Variants in TMEM177 observed in about 807,000 individuals in gnomAD.
TMEM177 encodes transmembrane protein 177.
Under a neutral mutation model 14.2 loss-of-function variants are expected in TMEM177, and 4 were observed. The ratio of observed to expected loss-of-function variants is 0.28; its 90% CI spans 0.14 to 0.64. The LOEUF (loss-of-function observed/expected upper bound fraction) is 0.64. Ranked by LOEUF, TMEM177 falls within the 30% of genes least tolerant of loss-of-function variation. TMEM177 has a pLI of 0.82. For missense variants in TMEM177, 344 were observed against 405.2 expected (o/e 0.85, Z 1.30); for synonymous variants, 179 against 174.5 (o/e 1.03, Z -0.20).
the TMEM177 span, among the ~76,000 whole-genome samples, chr2:119,707,703 C>G: frequency 6.6e-6 from 1 of 152,124 alleles, no homozygotes; most frequent in Non-Finnish European, 1.5e-5. Context: ...AGAGATGAGA[C>G]AAACAAACAA....
chr2:119,695,687 G>A, the TMEM177 span, among the ~76,000 whole-genome samples: 3 of 152,238 alleles, frequency 2.0e-5, no homozygotes, highest in African/African-American at 7.2e-5. Flanking sequence ...GTCCAGATTT[G>A]TAAGACATAT....
chr2:119,706,769 C>T, the TMEM177 span, among the ~76,000 whole-genome samples: 2 of 152,122 alleles, frequency 1.3e-5, no homozygotes, highest in African/African-American at 4.8e-5. Flanking sequence ...TTGTCTCAGC[C>T]TTCTTCTTCT....
In TMEM177 at chr2:119,681,828, C is replaced by A. The variant is rs747384978; in HGVS notation, c.*39C>A. Reference sequence around the variant, plus strand: ...AGGACACTTCCAGCTTGTGCAGACACCACCCTGCCATTGAGTCTGGAGGGC... The same window carrying A: ...AGGACACTTCCAGCTTGTGCAGACAACACCCTGCCATTGAGTCTGGAGGGC... On this transcript the variant is annotated 3_prime_UTR_variant, in exon 2 of 2. Transcript: ENST00000272521. 1.3e-6 allele frequency: 2 copies of A among 1,573,562 alleles called. No homozygotes were observed. The highest frequency in any genetic ancestry group is 1.2e-5 in the South Asian group (1 of 85,306).
intron 1 of TMEM177, among the ~76,000 whole-genome samples, chr2:119,680,549 C>G (rs1688867684): frequency 6.6e-6 from 1 of 152,162 alleles, no homozygotes; most frequent in Admixed American, 6.5e-5. Context: ...TAAGGAATAT[C>G]TGCTGCTGTG....
the TMEM177 span, among the ~76,000 whole-genome samples, chr2:119,710,800 C>T: frequency 0.058 from 8,705 of 151,222 alleles, 421 homozygotes; most frequent in African/African-American, 0.13. Context: ...TTAGTAGAGA[C>T]GGTGTTTCAC....
the TMEM177 span, among the ~76,000 whole-genome samples, chr2:119,710,840 G>C: frequency 3.3e-5 from 5 of 151,700 alleles, no homozygotes. Context: ...TCGATCTCCT[G>C]ACCTCATGAT....
In TMEM177 at chr2:119,682,104, C is replaced by T. The variant is rs1223479459; in HGVS notation, c.*315C>T. On this transcript the variant is annotated 3_prime_UTR_variant, in exon 2 of 2. Transcript: ENST00000272521. ...GCACAAAGGGTGCACTGTAAATAAA[C>T]AGACATCCCTCCTTCTTGGTCGTTT... 1 of 269,358 alleles carries T rather than the reference C, an allele frequency of 3.7e-6. No individual in the cohort carries two copies. Among genetic ancestry groups the T allele is most frequent in the Non-Finnish European group, 7.4e-6 (1 of 135,512 alleles). 16.7% of individuals were successfully genotyped at this position (269,358 alleles called of 1,614,324 possible). A position where few individuals can be genotyped will look rare whatever the true frequency, so the allele number is the denominator to read the frequency against.
chr2:119,708,644 GACACAC>G, the TMEM177 span, among the ~76,000 whole-genome samples: 237 of 146,844 alleles, frequency 1.6e-3, 2 homozygotes, highest in Admixed American at 4.1e-3. Context: ...ATCACACGCA[GACACAC>G]ACACACACAC....
the TMEM177 span, among the ~76,000 whole-genome samples, chr2:119,721,308 T>A: frequency 6.6e-6 from 1 of 152,326 alleles, no homozygotes; most frequent in South Asian, 2.1e-4. Flanking sequence ...ATGTTGAAGC[T>A]CAGTGGATCT....
chr2:119,706,171 G>A, the TMEM177 span, among the ~76,000 whole-genome samples: 32 of 151,832 alleles, frequency 2.1e-4, no homozygotes, highest in South Asian at 4.2e-4. Context: ...TTACAATTGC[G>A]TGCCACCACG....
At chr2:119,686,030 G>A, downstream of TMEM177, 1 of 263,592 alleles carries the variant, frequency 3.8e-6, no homozygotes, top group Non-Finnish European at 7.1e-6. Context: ...GCTCTAGGAG[G>A]CACCAGCTGA....
the TMEM177 span, among the ~76,000 whole-genome samples, chr2:119,695,854 G>A: frequency 2.0e-5 from 3 of 152,244 alleles, no homozygotes; most frequent in Admixed American, 2.0e-4. Context: ...CGTGCATCTT[G>A]CTTTGAGTCC....
chr2:119,700,587 G>A, the TMEM177 span, among the ~76,000 whole-genome samples: 2 of 152,152 alleles, frequency 1.3e-5, no homozygotes, highest in African/African-American at 4.8e-5. Context: ...TAAGGGTTAA[G>A]AACTTACCTA....
the TMEM177 span, among the ~76,000 whole-genome samples, chr2:119,712,994 TATTA>T: frequency 6.6e-6 from 1 of 152,172 alleles, no homozygotes; most frequent in Non-Finnish European, 1.5e-5. Flanking sequence ...CAATGCTATA[TATTA>T]TTTAGGTACA....
chr2:119,723,083 A>G, the TMEM177 span, among the ~76,000 whole-genome samples: 3 of 152,242 alleles, frequency 2.0e-5, no homozygotes, highest in South Asian at 4.1e-4. Flanking sequence ...TTGTTTTCCC[A>G]GCATCATTTT....
chr2:119,703,976 C>T, the TMEM177 span, among the ~76,000 whole-genome samples: 63 of 152,310 alleles, frequency 4.1e-4, no homozygotes, highest in African/African-American at 1.5e-3. Flanking sequence ...AGTATGAATG[C>T]CATTCCTGCC....
At chr2:119,712,521 A>G in the TMEM177 span, among the ~76,000 whole-genome samples, 4 of 152,174 alleles carry the variant, frequency 2.6e-5, no homozygotes, top group Admixed American at 2.0e-4. Flanking sequence ...CCAGGGATGC[A>G]TGGGCTCAGA....
the TMEM177 span, among the ~76,000 whole-genome samples, chr2:119,717,245 G>A: frequency 6.6e-6 from 1 of 151,868 alleles, no homozygotes; most frequent in Non-Finnish European, 1.5e-5. Context: ...TGGGAGGATC[G>A]CTTGAACTCG....
At chr2:119,680,214 T>C (rs2104844754) in intron 1 of TMEM177, among the ~76,000 whole-genome samples, 1 of 152,294 alleles carries the variant, frequency 6.6e-6, no homozygotes, top group East Asian at 1.9e-4. Flanking sequence ...TACTGGGGGT[T>C]AGGACTTAAA....
Sources: gnomAD v4.1 joint callset for allele counts (sites outside exome capture counted in the v4.1 genomes callset) on GRCh38, gnomAD v4.1.1 for gene constraint, MANE v1.5 for transcripts, NCBI Gene and HGNC (gene_info 2026-07-23, HGNC 2026-07-21) for gene names.